The following RARB variants were observed in gnomAD, a reference collection of about 807,000 sequenced individuals.
The protein encoded by RARB is retinoic acid receptor beta, also known as HBV-activated protein.
Under a neutral mutation model 51.9 loss-of-function variants are expected in RARB, and 17 were observed. The ratio of observed to expected loss-of-function variants is 0.33; its 90% CI spans 0.22 to 0.49. RARB has a LOEUF of 0.49. Ranked by LOEUF, RARB falls within the 20% of genes least tolerant of loss-of-function variation. The pLI is 0.99. For missense variants in RARB, 369 were observed against 550.8 expected (o/e 0.67, Z 3.30); for synonymous variants, 215 against 195.4 (o/e 1.10, Z -0.84).
At chr3:24,959,096 C>G (rs1450706694) in intron 2 of RARB, among the ~76,000 whole-genome samples, 1 of 152,196 alleles carries the variant, frequency 6.6e-6, no homozygotes, top group Non-Finnish European at 1.5e-5. Flanking sequence ...ACAGTGCGCT[C>G]TTTTAGCTCT....
intron 5 of RARB, among the ~76,000 whole-genome samples, chr3:25,252,582 G>A (rs6790508): frequency 0.019 from 2,924 of 152,132 alleles, 89 homozygotes; most frequent in African/African-American, 0.067. Flanking sequence ...AGCTTATTCC[G>A]AACTATTTTA....
chr3:25,413,325 C>G (rs1707616260), intron 5 of RARB, among the ~76,000 whole-genome samples: 1 of 152,144 alleles, frequency 6.6e-6, no homozygotes, highest in Admixed American at 6.5e-5. Flanking sequence ...GTTCTCATTG[C>G]TGGAGAGTCT....
intron 5 of RARB, among the ~76,000 whole-genome samples, chr3:25,587,664 T>C (rs1462702355): frequency 2.0e-5 from 3 of 152,194 alleles, no homozygotes; most frequent in African/African-American, 7.2e-5. Flanking sequence ...GGAAAACATT[T>C]TGTTCCCATG....
chr3:25,088,000 T>C (rs958583378), intron 3 of RARB, among the ~76,000 whole-genome samples: 1 of 151,966 alleles, frequency 6.6e-6, no homozygotes, highest in Non-Finnish European at 1.5e-5. Flanking sequence ...AAGAAAGCTA[T>C]GAGCCTGAAA....
At chr3:25,254,179 G>A (rs1055574861) in intron 5 of RARB, among the ~76,000 whole-genome samples, 1 of 152,110 alleles carries the variant, frequency 6.6e-6, no homozygotes, top group African/African-American at 2.4e-5. Flanking sequence ...ATACATCATG[G>A]AATAAGGAGT....
At chr3:25,421,403 CTTTTTTTTTTTTTTTT>C (rs766378555) in intron 5 of RARB, among the ~76,000 whole-genome samples, 2 of 72,374 alleles carry the variant, frequency 2.8e-5, no homozygotes, top group South Asian at 4.5e-4. Flanking sequence ...TTCTTCTTTT[CTTTTTTTTTTTTTTTT>C]TTTTTTTTTT....
rs576759371 is a variant in RARB at position 24,979,857 on chromosome 3, T to G, written c.-379-80268T>G. ...ATTTCACCCGTTAATTGATGCAGTT[T>G]CTTCATAGCATCAATGGTCTTTACA... On this transcript the variant is annotated intron_variant, in intron 2 of 11. Transcript: ENST00000383772. 2.0e-5 allele frequency among the ~76,000 whole-genome samples: 3 copies of G among 152,342 alleles called. No homozygotes were observed. The East Asian group carries it at 5.8e-4, about 29-fold the overall frequency.
chr3:25,011,783 C>T (rs1697400309), intron 2 of RARB, among the ~76,000 whole-genome samples: 3 of 152,104 alleles, frequency 2.0e-5, no homozygotes, highest in Non-Finnish European at 4.4e-5. Flanking sequence ...ACATAGCAGA[C>T]TAGCCCCACA....
Position 24,894,863 on chromosome 3 carries a change from G to A in RARB, c.-380+36111G>A, listed in dbSNP as rs537789415. Among the ~76,000 whole-genome samples the A allele has an allele frequency of 2.0e-5, 3 of 152,216 alleles. No homozygotes were observed. The East Asian group carries it at 5.8e-4, about 29-fold the overall frequency. ...TTATCCAATGTGAGCAAAATAATGT[G>A]GTAGAAGCTATAGGGGAGGTCTGAG... is the stretch of plus-strand genomic sequence containing the variant. On this transcript the variant is annotated intron_variant, in intron 2 of 11. Coordinates refer to the RARB transcript ENST00000383772.
At chr3:25,562,330 C>T (rs1206719128) in intron 3 of RARB, among the ~76,000 whole-genome samples, 7 of 152,020 alleles carry the variant, frequency 4.6e-5, no homozygotes, top group Admixed American at 4.6e-4. Flanking sequence ...AAGCAGAGGG[C>T]CAGCCACAGT....
rs56255512 is a variant in RARB, at chr3:25,569,981, GACAC to G, written c.609+100_609+103del. The G allele has an allele frequency of 0.16, 165,445 of 1,042,010 alleles. 1,432 individuals are homozygous for G. The highest frequency in any genetic ancestry group is 0.2 in the African/African-American group (12,459 of 61,942). 64.5% of individuals were successfully genotyped at this position (1,042,010 alleles called of 1,614,324 possible). On this transcript the variant is annotated intron_variant, in intron 4 of 7. Coordinates refer to ENST00000330688, the MANE Select transcript of RARB (RefSeq NM_000965.5). ...GAAACCTTGTACGTGCATGTGTGCA[GACAC>G]ACACACACACACACACACACACACA...
At chr3:25,414,471 G>T (rs1707649448) in intron 5 of RARB, among the ~76,000 whole-genome samples, 1 of 152,142 alleles carries the variant, frequency 6.6e-6, no homozygotes, top group Non-Finnish European at 1.5e-5. Flanking sequence ...GTAAGAATAT[G>T]TTCACCTTTT....
At chr3:25,369,777 C>G (rs906590103) in intron 5 of RARB, among the ~76,000 whole-genome samples, 3 of 152,122 alleles carry the variant, frequency 2.0e-5, no homozygotes, top group African/African-American at 7.2e-5. Context: ...ACAACATTAG[C>G]CTGGCATGGT....
intron 2 of RARB, among the ~76,000 whole-genome samples, chr3:24,904,727 G>A (rs570464305): frequency 1.6e-4 from 25 of 152,268 alleles, no homozygotes; most frequent in African/African-American, 6.0e-4. Context: ...GTTTACTGCA[G>A]CACTGTTCAC....
At chr3:25,118,916 C>G (rs771205951) in intron 3 of RARB, among the ~76,000 whole-genome samples, 2 of 152,028 alleles carry the variant, frequency 1.3e-5, no homozygotes, top group East Asian at 3.9e-4. Flanking sequence ...AACCAAATGC[C>G]CACTTTGATC....
At chr3:25,273,998 C>A (rs1703318749) in intron 5 of RARB, among the ~76,000 whole-genome samples, 1 of 152,160 alleles carries the variant, frequency 6.6e-6, no homozygotes, top group Non-Finnish European at 1.5e-5. Flanking sequence ...AGCCTGTCCC[C>A]ACCCTGGGAT....
At chr3:25,557,958 G>T (rs1700127908) in intron 3 of RARB, among the ~76,000 whole-genome samples, 1 of 152,108 alleles carries the variant, frequency 6.6e-6, no homozygotes, top group Non-Finnish European at 1.5e-5. Context: ...CCAGCCTTTG[G>T]TTAGCTCAAG....
At chr3:25,197,833 A>G (rs140369251) in intron 5 of RARB, among the ~76,000 whole-genome samples, 8 of 152,154 alleles carry the variant, frequency 5.3e-5, no homozygotes, top group Non-Finnish European at 7.4e-5. Context: ...TAAAAAATCA[A>G]TACTGTTAAA....
At chr3:24,870,290 T>C (rs151285419) in intron 2 of RARB, among the ~76,000 whole-genome samples, 208 of 152,228 alleles carry the variant, frequency 1.4e-3, no homozygotes, top group African/African-American at 4.8e-3. Context: ...TTAAATCTTG[T>C]CTTTCACATA....
Sources: gnomAD v4.1 joint callset for allele counts (sites outside exome capture counted in the v4.1 genomes callset) on GRCh38, gnomAD v4.1.1 for gene constraint, MANE v1.5 for transcripts, NCBI Gene and HGNC (gene_info 2026-07-23, HGNC 2026-07-21) for gene names.